Variants in SLC1A1 observed in about 807,000 individuals in gnomAD.
SLC1A1 encodes the protein excitatory amino acid transporter 3.
SLC1A1 carries 43 observed loss-of-function variants against 53.3 expected under a neutral mutation model. The ratio of observed to expected loss-of-function variants is 0.81; its 90% CI spans 0.63 to 1.04. The LOEUF is 1.04. Among genes scored for constraint, SLC1A1 ranks in the 50% least tolerant of loss-of-function variants. The pLI is 0.00. For missense variants in SLC1A1, 748 were observed against 664.9 expected, an observed-to-expected ratio of 1.12 and a Z score of -1.37; for synonymous variants, 307 against 243.2, an observed-to-expected ratio of 1.26 and a Z score of -2.44.
At chr9:4,506,842 C>T (rs1820825551) in intron 1 of SLC1A1, among the ~76,000 whole-genome samples, 1 of 152,182 alleles carries the variant, frequency 6.6e-6, no homozygotes, top group Admixed American at 6.5e-5. Context: ...ATTCTCTCTC[C>T]CCTCTTAGAA....
At position 4,492,056 on chromosome 9, in the gene SLC1A1, G is replaced by T. The variant is rs572155391; in HGVS notation, c.91+1286G>T. ...TAGTAAATAAATAACATCCTGGAATGGCCCTAGCAGAGGCTATTTGTAGGA... is the reference window on the plus strand; with the variant it reads ...TAGTAAATAAATAACATCCTGGAATTGCCCTAGCAGAGGCTATTTGTAGGA... On this transcript the variant is annotated intron_variant, in intron 1 of 11. Transcript: ENST00000262352. 2.0e-5 allele frequency among the ~76,000 whole-genome samples: 3 copies of T among 152,294 alleles called. No individual in the cohort carries two copies. In the East Asian group the frequency reaches 5.8e-4, roughly 29 times the overall value.
rs10974625 is a variant in SLC1A1, at chr9:4,561,596, G to C, written c.325+55G>C. 1.4e-3 allele frequency: 1,586 copies of C among 1,132,094 alleles called. 21 individuals are homozygous for C. The African/African-American group carries it at 0.021, about 15-fold the overall frequency. The allele number at this position is 1,132,094 out of a possible 1,614,324, so 70.1% of individuals were successfully genotyped here. A position where few individuals can be genotyped will look rare whatever the true frequency, so the allele number is the denominator to read the frequency against. ...TTATGTAATGGTGATTTTTTCATTC[G>C]AAAAGTAGTTGGTGGCCAGATGCGG... is the stretch of plus-strand genomic sequence containing the variant. On this transcript the variant is annotated intron_variant, in intron 3 of 11. Transcript: ENST00000262352.
At chr9:4,508,365 C>A (rs1393492498) in intron 1 of SLC1A1, among the ~76,000 whole-genome samples, 1 of 152,058 alleles carries the variant, frequency 6.6e-6, no homozygotes, top group Admixed American at 6.6e-5. Context: ...CTGGTTGTCC[C>A]GAGACTGATA....
intron 2 of SLC1A1, among the ~76,000 whole-genome samples, chr9:4,545,503 T>C (rs1265644510): frequency 6.6e-6 from 1 of 152,252 alleles, no homozygotes; most frequent in Non-Finnish European, 1.5e-5. Context: ...TTTCAGCCAT[T>C]CACTCATTTA....
intron 1 of SLC1A1, among the ~76,000 whole-genome samples, chr9:4,530,881 C>T (rs1159151896): frequency 6.6e-6 from 1 of 152,118 alleles, no homozygotes; most frequent in Admixed American, 6.5e-5. Context: ...AAACTTAAAC[C>T]TAAAAATGTA....
At chr9:4,580,641 G>GTA (rs747405181) in intron 10 of SLC1A1, among the ~76,000 whole-genome samples, 4,788 of 146,224 alleles carry the variant, frequency 0.033, 208 homozygotes, top group Non-Finnish European at 0.044. Context: ...GTGTGTGTGT[G>GTA]TGTGTGTGTG....
At chr9:4,575,328 T>C (rs1820445511) in intron 8 of SLC1A1, among the ~76,000 whole-genome samples, 1 of 152,198 alleles carries the variant, frequency 6.6e-6, no homozygotes, top group South Asian at 2.1e-4. Context: ...ATGTAACCTG[T>C]GTATTTCCAT....
At chr9:4,568,997 G>C (rs74644590) in intron 6 of SLC1A1, among the ~76,000 whole-genome samples, 168 of 152,228 alleles carry the variant, frequency 1.1e-3, no homozygotes, top group African/African-American at 3.8e-3. Flanking sequence ...CAGGAGCAAC[G>C]GTTCAGTATT....
At chr9:4,515,586 G>A (rs983671458) in intron 1 of SLC1A1, among the ~76,000 whole-genome samples, 1 of 152,166 alleles carries the variant, frequency 6.6e-6, no homozygotes, top group African/African-American at 2.4e-5. Flanking sequence ...AGAAGAGGGT[G>A]GAAGACAAAC....
intron 1 of SLC1A1, among the ~76,000 whole-genome samples, chr9:4,494,967 C>T (rs1054773229): frequency 1.3e-5 from 2 of 152,178 alleles, no homozygotes; most frequent in African/African-American, 2.4e-5. Flanking sequence ...ACAGAGCTGG[C>T]AAGCTTATTC....
chr9:4,534,903 A>T (rs1401519487), intron 1 of SLC1A1, among the ~76,000 whole-genome samples: 1 of 152,196 alleles, frequency 6.6e-6, no homozygotes, highest in Admixed American at 6.5e-5. Context: ...CTGGTTCAAC[A>T]TATGCAAATC....
intron 1 of SLC1A1, 109 bp from the exon 2 acceptor site, chr9:4,544,458 A>G: frequency 2.1e-6 from 2 of 936,366 alleles, no homozygotes; most frequent in African/African-American, 1.6e-5. Context: ...GATCTAAACT[A>G]TTTTTCTTGC....
intron 1 of SLC1A1, 39 bp downstream of exon 1, chr9:4,490,809 C>G (rs370531245): frequency 2.2e-4 from 338 of 1,547,498 alleles, no homozygotes; most frequent in Non-Finnish European, 2.9e-4. Context: ...CGCACCCTCA[C>G]GCGCTCTCTG....
chr9:4,557,281 G>A (rs541817706), intron 2 of SLC1A1, among the ~76,000 whole-genome samples: 6 of 152,338 alleles, frequency 3.9e-5, no homozygotes, highest in Middle Eastern at 6.8e-3. Flanking sequence ...ATGGAACTAC[G>A]TGCCAGGAGA....
Position 4,564,327 on chromosome 9 carries a change from G to A in SLC1A1, c.326-17G>A, listed in dbSNP as rs377142961. 354 of 1,568,716 alleles carry A rather than the reference G, an allele frequency of 2.3e-4. 1 individual carries two copies. The highest frequency in any genetic ancestry group is 3.5e-4 in the Middle Eastern group (2 of 5,692). ...GGAAGGTTCCTAATGCTCTGTGGAC[G>A]CTGTTCTTGGCCACAGGTATTGTGC... On this transcript the variant is annotated splice_polypyrimidine_tract_variant and intron_variant, in intron 3 of 11. Transcript: ENST00000262352.
intron 8 of SLC1A1, among the ~76,000 whole-genome samples, chr9:4,575,255 A>G (rs1228659160): frequency 1.3e-5 from 2 of 152,192 alleles, no homozygotes; most frequent in African/African-American, 4.8e-5. Context: ...TGTAAACTCT[A>G]AGCTGCCAGT....
intron 1 of SLC1A1, among the ~76,000 whole-genome samples, chr9:4,496,592 G>A (rs1820431063): frequency 6.6e-6 from 1 of 151,930 alleles, no homozygotes. Flanking sequence ...GAAGAGAAGT[G>A]ATCATTAAAA....
At position 4,537,550 on chromosome 9, in the gene SLC1A1, A is replaced by G. The variant is rs1246671253; in HGVS notation, c.92-7017A>G. 5.3e-5 allele frequency among the ~76,000 whole-genome samples: 2 copies of G among 38,088 alleles called. 1 individual carries two copies. The highest frequency in any genetic ancestry group is 1.3e-4 in the Non-Finnish European group (2 of 15,172). 25.0% of individuals were successfully genotyped at this position (38,088 alleles called of 152,430 possible). ...GTCCACAGTCCGGCCTGGGCGACAG[A>G]GCGAGACTCCGTCTCAAAAAAATAA... On this transcript the variant is annotated intron_variant, in intron 1 of 11. Coordinates refer to ENST00000262352, the MANE Select transcript of SLC1A1 (RefSeq NM_004170.6).
chr9:4,587,310 G>A lies in SLC1A1; in HGVS notation c.*1752G>A, dbSNP rs1821636685. The A allele has an allele frequency of 6.6e-6, 1 of 152,104 alleles. No individual in the cohort carries two copies. Among genetic ancestry groups the A allele is most frequent in the African/African-American group, 2.4e-5 (1 of 41,432 alleles). 9.4% of individuals were successfully genotyped at this position (152,104 alleles called of 1,614,324 possible). ...GGCTAAATGGTTCTACCCCTTACTAGGTTGCCCCAATTAGTGGCACTAGTT... is the reference window on the plus strand; with the variant it reads ...GGCTAAATGGTTCTACCCCTTACTAAGTTGCCCCAATTAGTGGCACTAGTT... On this transcript the variant is annotated 3_prime_UTR_variant, in exon 12 of 12. Coordinates refer to ENST00000262352, the MANE Select transcript of SLC1A1 (RefSeq NM_004170.6).
Sources: gnomAD v4.1 joint callset for allele counts (sites outside exome capture counted in the v4.1 genomes callset) on GRCh38, gnomAD v4.1.1 for gene constraint, MANE v1.5 for transcripts, NCBI Gene and HGNC (gene_info 2026-07-23, HGNC 2026-07-21) for gene names.